The following FGF14 variants were observed in gnomAD, a reference collection of about 807,000 sequenced individuals.
FGF14 encodes fibroblast growth factor homologous factor 4.
Under a neutral mutation model 25.5 loss-of-function variants are expected in FGF14, and 5 were observed. The ratio of observed to expected loss-of-function variants is 0.20; its 90% CI spans 0.10 to 0.41. FGF14 has a LOEUF of 0.41. FGF14 is among the 10% of genes least tolerant of loss of function. The pLI, the probability that FGF14 is intolerant of heterozygous loss-of-function variation, is 1.00. For synonymous variants in FGF14, 138 were observed against 118.3 expected, an observed-to-expected ratio of 1.17 and a Z score of -1.08; for missense variants, 222 against 320.1, an observed-to-expected ratio of 0.69 and a Z score of 2.34.
intron 1 of FGF14, among the ~76,000 whole-genome samples, chr13:101,956,049 C>A (rs1046497698): frequency 6.6e-6 from 1 of 152,136 alleles, no homozygotes; most frequent in Non-Finnish European, 1.5e-5. Context: ...AAGGAAGAAA[C>A]AAAGTGGTCT....
At chr13:102,265,206 C>T (rs999960003) in intron 1 of FGF14, among the ~76,000 whole-genome samples, 2 of 152,062 alleles carry the variant, frequency 1.3e-5, no homozygotes, top group Non-Finnish European at 2.9e-5. Flanking sequence ...CCCTTTATTT[C>T]TCCATTATGT....
intron 3 of FGF14, among the ~76,000 whole-genome samples, chr13:101,776,752 G>A (rs1235553298): frequency 6.6e-6 from 1 of 152,126 alleles, no homozygotes; most frequent in East Asian, 1.9e-4. Flanking sequence ...TAGTACATTC[G>A]GTATTCTTTG....
chr13:102,092,762 G>A (rs2044223147), intron 1 of FGF14, among the ~76,000 whole-genome samples: 1 of 151,872 alleles, frequency 6.6e-6, no homozygotes, highest in African/African-American at 2.4e-5. Flanking sequence ...AGATACACAG[G>A]GTGAACACAA....
intron 1 of FGF14, among the ~76,000 whole-genome samples, chr13:102,107,378 T>A (rs1043426359): frequency 2.6e-5 from 4 of 152,174 alleles, no homozygotes; most frequent in Non-Finnish European, 5.9e-5. Context: ...CAGCTGGAAA[T>A]CTGGCAAGTC....
intron 1 of FGF14, among the ~76,000 whole-genome samples, chr13:102,018,199 CAT>C (rs2040446603): frequency 6.6e-6 from 1 of 152,124 alleles, no homozygotes; most frequent in African/African-American, 2.4e-5. Context: ...AGAGGCCAAA[CAT>C]AAAGTTAGAC....
chr13:102,361,515 G>A (rs764521737), intron 1 of FGF14, among the ~76,000 whole-genome samples: 1 of 148,864 alleles, frequency 6.7e-6, no homozygotes, highest in Non-Finnish European at 1.5e-5. Flanking sequence ...CATAGCACAC[G>A]TACAGGCCAG....
chr13:102,386,293 A>G (rs1408256615), intron 1 of FGF14, among the ~76,000 whole-genome samples: 3 of 151,840 alleles, frequency 2.0e-5, no homozygotes, highest in Non-Finnish European at 4.4e-5. Context: ...CCACCAAGCC[A>G]GGCTAAGTTT....
intron 1 of FGF14, among the ~76,000 whole-genome samples, chr13:102,030,054 A>T (rs543483613): frequency 6.6e-6 from 1 of 152,098 alleles, no homozygotes; most frequent in Non-Finnish European, 1.5e-5. Context: ...TTATGTGTCA[A>T]GTATACAATA....
chr13:102,092,792 G>A (rs757419264), intron 1 of FGF14, among the ~76,000 whole-genome samples: 2 of 152,056 alleles, frequency 1.3e-5, no homozygotes, highest in African/African-American at 2.4e-5. Context: ...TAGTTACCCT[G>A]GAGCACCCTA....
intron 1 of FGF14, among the ~76,000 whole-genome samples, chr13:102,136,199 T>A (rs531512905): frequency 6.6e-6 from 1 of 152,260 alleles, no homozygotes; most frequent in East Asian, 1.9e-4. Context: ...ATGCAAACAC[T>A]GATAGTTGAT....
intron 3 of FGF14, among the ~76,000 whole-genome samples, chr13:101,819,815 T>C (rs967224814): frequency 2.0e-5 from 3 of 152,116 alleles, no homozygotes; most frequent in African/African-American, 7.2e-5. Flanking sequence ...GTGTCTTCTG[T>C]CTTGGGACTT....
chr13:102,105,206 T>C (rs1243824455), intron 1 of FGF14, among the ~76,000 whole-genome samples: 1 of 152,234 alleles, frequency 6.6e-6, no homozygotes, highest in Non-Finnish European at 1.5e-5. Flanking sequence ...TATTATGATC[T>C]GCTGATGGAG....
chr13:101,971,011 T>C (rs2037557137), intron 1 of FGF14, among the ~76,000 whole-genome samples: 1 of 152,212 alleles, frequency 6.6e-6, no homozygotes, highest in South Asian at 2.1e-4. Context: ...ATAGTTTATA[T>C]GCTGTTTCTT....
chr13:102,290,771 C>T (rs1005622886), intron 1 of FGF14, among the ~76,000 whole-genome samples: 3 of 152,166 alleles, frequency 2.0e-5, no homozygotes, highest in African/African-American at 4.8e-5. Context: ...CCTACCAGAG[C>T]AGATTTATTG....
chr13:101,846,950 T>C (rs906108966), intron 3 of FGF14, among the ~76,000 whole-genome samples: 12 of 152,022 alleles, frequency 7.9e-5, no homozygotes, highest in African/African-American at 2.9e-4. Context: ...GGAAAATAAA[T>C]CTGAATTCTC....
chr13:102,054,315 C>T (rs562649855), intron 1 of FGF14, among the ~76,000 whole-genome samples: 36 of 142,028 alleles, frequency 2.5e-4, no homozygotes, highest in Admixed American at 4.0e-4. Flanking sequence ...TAGAGGAGTT[C>T]CCTCCTAGAA....
intron 1 of FGF14, among the ~76,000 whole-genome samples, chr13:102,288,317 G>T (rs926695831): frequency 6.6e-6 from 1 of 151,982 alleles, no homozygotes; most frequent in Non-Finnish European, 1.5e-5. Context: ...AGAAAAACTG[G>T]TTCAAAGATC....
In FGF14 at chr13:102,314,420, T is replaced by C. The variant is rs10508086; in HGVS notation, c.208+87051A>G. ...ATCGCGCTATACATATTTCCTGAAC[T>C]GAAGGGACCATTCCAAGTGTCTTCA... is the stretch of plus-strand genomic sequence containing the variant. On this transcript the variant is annotated intron_variant, in intron 1 of 4. Coordinates refer to the FGF14 transcript ENST00000376131. Among the ~76,000 whole-genome samples the C allele has an allele frequency of 9.6e-3, 1,459 of 152,284 alleles. 23 individuals are homozygous for C. Among genetic ancestry groups the C allele is most frequent in the African/African-American group, 0.033 (1,360 of 41,552 alleles).
intron 3 of FGF14, among the ~76,000 whole-genome samples, chr13:101,763,766 A>G (rs189089426): frequency 4.0e-4 from 61 of 152,306 alleles, no homozygotes; most frequent in African/African-American, 1.4e-3. Flanking sequence ...AGGCTGAAGC[A>G]GGAGAATGGC....
Sources: allele counts gnomAD v4.1 joint callset (sites outside exome capture counted in the v4.1 genomes callset), GRCh38; gene constraint gnomAD v4.1.1; transcripts MANE v1.5; gene names NCBI Gene and HGNC (gene_info 2026-07-23, HGNC 2026-07-21).